The following MUSK variants were observed in gnomAD, a reference collection of about 807,000 sequenced individuals.
The protein encoded by MUSK is muscle, skeletal receptor tyrosine-protein kinase.
Under a neutral mutation model 88.7 loss-of-function variants are expected in MUSK, and 55 were observed. That is an observed-to-expected ratio of 0.62 (90% CI 0.50 to 0.78). The LOEUF is 0.78. Ranked by LOEUF, MUSK falls within the 30% of genes least tolerant of loss-of-function variation. The pLI, the probability that MUSK is intolerant of heterozygous loss-of-function variation, is 0.00. For missense variants in MUSK, 1,015 were observed against 1,074.3 expected (o/e 0.94, Z 0.77); for synonymous variants, 387 against 391.9 (o/e 0.99, Z 0.15).
chr9:110,678,825 T>C (rs1432247562), intron 1 of MUSK, among the ~76,000 whole-genome samples: 1 of 152,152 alleles, frequency 6.6e-6, no homozygotes, highest in African/African-American at 2.4e-5. Context: ...TTTTACTAAT[T>C]CTGCTATTCT....
At position 110,749,438 on chromosome 9, in the gene MUSK, G is replaced by A. The variant is rs75283065; in HGVS notation, c.913+1638G>A. Among the ~76,000 whole-genome samples the A allele has an allele frequency of 5.3e-5, 8 of 152,272 alleles. No individual in the cohort carries two copies. In the East Asian group the frequency reaches 1.5e-3, roughly 29 times the overall value. On this transcript the variant is annotated intron_variant, in intron 7 of 14. Transcript: ENST00000374448. The stretch of plus-strand genomic sequence containing the variant: ...CCTGTTCAAAAAACAGCAAATCAGT[G>A]GTCAAGGCTAGACCACGAGAGAGAC...
intron 5 of MUSK, among the ~76,000 whole-genome samples, chr9:110,726,932 T>G (rs1293532895): frequency 6.6e-6 from 1 of 152,092 alleles, no homozygotes; most frequent in African/African-American, 2.4e-5. Flanking sequence ...ACAGGGAATC[T>G]GCAGTTTCCT....
chr9:110,718,296 G>A (rs2131795908), intron 5 of MUSK, among the ~76,000 whole-genome samples: 1 of 152,128 alleles, frequency 6.6e-6, no homozygotes, highest in South Asian at 2.1e-4. Context: ...GCCACACACA[G>A]TCACTTCTGC....
chr9:110,695,258 T>C (rs888321767), intron 3 of MUSK, 145 bp from the exon 4 acceptor site: 2 of 567,822 alleles, frequency 3.5e-6, no homozygotes, highest in African/African-American at 3.9e-5. Context: ...TGAGGAAAAC[T>C]GTCTTTGCAT....
intron 7 of MUSK, among the ~76,000 whole-genome samples, chr9:110,757,578 A>G (rs907202459): frequency 1.3e-5 from 2 of 151,722 alleles, no homozygotes; most frequent in East Asian, 1.9e-4. Context: ...TGAGATTGTT[A>G]CATATTGTTG....
rs1416654690 is a variant in MUSK, at chr9:110,802,265, G to T, written c.*1277G>T. ...AGCTCTGGAACTCAGATTCCTGGGG[G>T]TTCAGATTTTTTCTCAGTGGATCCT... On this transcript the variant is annotated 3_prime_UTR_variant, in exon 15 of 15. Transcript: ENST00000374448. Among the ~76,000 whole-genome samples the T allele has an allele frequency of 6.6e-6, 1 of 151,804 alleles. No homozygotes were observed. Among genetic ancestry groups the T allele is most frequent in the South Asian group, 2.1e-4 (1 of 4,794 alleles).
chr9:110,783,480 A>C (rs1349117679), intron 11 of MUSK, among the ~76,000 whole-genome samples: 3 of 152,084 alleles, frequency 2.0e-5, no homozygotes, highest in Non-Finnish European at 4.4e-5. Flanking sequence ...CATTTTCCTT[A>C]AGGTGTGAAA....
intron 8 of MUSK, among the ~76,000 whole-genome samples, chr9:110,765,125 G>A (rs2077460661): frequency 2.0e-5 from 3 of 152,126 alleles, no homozygotes; most frequent in Admixed American, 2.0e-4. Context: ...GAAACATCAT[G>A]AAATGTCTAT....
chr9:110,786,060 C>T (rs2077854953), intron 13 of MUSK, among the ~76,000 whole-genome samples: 1 of 150,088 alleles, frequency 6.7e-6, no homozygotes, highest in Non-Finnish European at 1.5e-5. Context: ...GCCTGTAATC[C>T]CAGCACTTTG....
intron 3 of MUSK, among the ~76,000 whole-genome samples, chr9:110,688,325 T>C (rs2076224418): frequency 6.6e-6 from 1 of 152,184 alleles, no homozygotes; most frequent in African/African-American, 2.4e-5. Flanking sequence ...TCATAATTCC[T>C]TGACCTGCAG....
At chr9:110,734,999 A>C (rs2077011117) in intron 6 of MUSK, among the ~76,000 whole-genome samples, 1 of 152,134 alleles carries the variant, frequency 6.6e-6, no homozygotes, top group Non-Finnish European at 1.5e-5. Flanking sequence ...AATACGGGAA[A>C]ATATATGTTG....
At position 110,675,215 on chromosome 9, in the gene MUSK, CTTTTTTTT is replaced by C. The variant is rs386415865; in HGVS notation, c.79+6249_79+6256del. On this transcript the variant is annotated intron_variant, in intron 1 of 14. Coordinates refer to ENST00000374448, the MANE Select transcript of MUSK (RefSeq NM_005592.4). Reference sequence around the variant, plus strand: ...ATTCAAGTCCTGTGCCACATTGCCTCTTTTTTTTTTTTTTTTTTTTTTTTGAGACAGAG... The same window carrying C: ...ATTCAAGTCCTGTGCCACATTGCCTCTTTTTTTTTTTTTTTTGAGACAGAG... 3.4e-5 allele frequency among the ~76,000 whole-genome samples: 3 copies of C among 88,346 alleles called. No individual in the cohort carries two copies. The East Asian group carries it at 1.1e-3, about 34-fold the overall frequency. 58.0% of individuals were successfully genotyped at this position (88,346 alleles called of 152,430 possible).
chr9:110,728,348 G>A (rs2076916477), intron 5 of MUSK: 1 of 265,726 alleles, frequency 3.8e-6, no homozygotes, highest in Admixed American at 5.2e-5. Flanking sequence ...GAGAATAGTA[G>A]GCACTCTGTA....
intron 14 of MUSK, among the ~76,000 whole-genome samples, chr9:110,790,057 A>G (rs1026681504): frequency 5.3e-5 from 8 of 152,226 alleles, no homozygotes; most frequent in Non-Finnish European, 7.3e-5. Context: ...ATGAACAAGA[A>G]AAACAAACTA....
intron 7 of MUSK, among the ~76,000 whole-genome samples, chr9:110,758,672 C>T (rs1397761313): frequency 2.0e-5 from 3 of 152,114 alleles, no homozygotes; most frequent in Admixed American, 1.3e-4. Flanking sequence ...TAGAAAACCC[C>T]ATAGTCTCTG....
chr9:110,791,304 G>A (rs887874524), intron 14 of MUSK, among the ~76,000 whole-genome samples: 24 of 138,498 alleles, frequency 1.7e-4, no homozygotes, highest in African/African-American at 3.3e-4. Flanking sequence ...CCTGGGAAGC[G>A]CAAGGGGTCA....
intron 3 of MUSK, 84 bp downstream of exon 3, chr9:110,687,352 TGAGACA>T: frequency 6.7e-7 from 1 of 1,498,882 alleles, no homozygotes; most frequent in Non-Finnish European, 9.1e-7. Flanking sequence ...ATTTTTTTTT[TGAGACA>T]GAGTCTCACT....
chr9:110,674,923 A>T (rs988468302), intron 1 of MUSK, among the ~76,000 whole-genome samples: 7 of 152,134 alleles, frequency 4.6e-5, no homozygotes, highest in Non-Finnish European at 1.0e-4. Flanking sequence ...CCTGAGATAA[A>T]ATATTAACGG....
chr9:110,737,760 T>C (rs559593224), intron 6 of MUSK, among the ~76,000 whole-genome samples: 6 of 152,300 alleles, frequency 3.9e-5, no homozygotes, highest in Admixed American at 1.3e-4. Context: ...GTAGACTCCA[T>C]TGAAATGAAT....
Sources: allele counts gnomAD v4.1 joint callset (sites outside exome capture counted in the v4.1 genomes callset), GRCh38; gene constraint gnomAD v4.1.1; transcripts MANE v1.5; gene names NCBI Gene and HGNC (gene_info 2026-07-23, HGNC 2026-07-21).